The following DMD variants were observed in gnomAD, a reference collection of about 807,000 sequenced individuals.
The protein encoded by DMD is mutant dystrophin.
DMD carries 63 observed loss-of-function variants against 330.1 expected under a neutral mutation model. That is an observed-to-expected ratio of 0.19 (90% confidence interval 0.16 to 0.24). The LOEUF is 0.24. Among genes scored for constraint, DMD ranks in the 10% least tolerant of loss-of-function variants. DMD has a pLI of 1.00. For missense variants in DMD, 3,344 were observed against 2,684.1 expected (o/e 1.25, Z -5.43); for synonymous variants, 1,223 against 959.8 (o/e 1.27, Z -5.07).
chrX:32,874,265 C>A (rs2083215974), intron 2 of DMD, among the ~76,000 whole-genome samples: 1 of 112,086 alleles, frequency 8.9e-6, no homozygotes, highest in Non-Finnish European at 1.9e-5. Flanking sequence ...TTCATTTTTA[C>A]AGAGAGCCAA....
rs967597411 is a variant in DMD at position 33,107,315 on chromosome X, C to A, written c.32-87115G>T. Among the ~76,000 whole-genome samples, 213 of 73,480 alleles carry A rather than the reference C, an allele frequency of 2.9e-3. 9 individuals carry two copies. In the East Asian group the frequency reaches 0.074, roughly 25 times the overall value. The allele number at this position is 73,480 out of a possible 115,157, so 63.8% of individuals were successfully genotyped here. A position where few individuals can be genotyped will look rare whatever the true frequency, so the allele number is the denominator to read the frequency against. The stretch of plus-strand genomic sequence containing the variant: ...CAACAAGAGCGAAGCTCTGTCCCCC[C>A]CCCCCCCCCAACACACACAAAAAAA... On this transcript the variant is annotated intron_variant, in intron 1 of 78. Transcript: ENST00000357033.
At chrX:31,886,704 CAAATA>C (rs1035425260) in intron 47 of DMD, among the ~76,000 whole-genome samples, 2 of 111,374 alleles carry the variant, frequency 1.8e-5, no homozygotes, top group Admixed American at 1.9e-4. Context: ...TGATAGCAAG[CAAATA>C]AAATGAAATA....
At chrX:31,136,973 A>G (rs1207860328) in intron 76 of DMD, among the ~76,000 whole-genome samples, 1 of 111,830 alleles carries the variant, frequency 8.9e-6, no homozygotes, top group Non-Finnish European at 1.9e-5. Context: ...TCTTTTCTCC[A>G]TATTTTCATG....
At chrX:32,172,024 G>C (rs2096889488) in intron 44 of DMD, among the ~76,000 whole-genome samples, 1 of 111,727 alleles carries the variant, frequency 9.0e-6, no homozygotes. Context: ...CTCATATAAA[G>C]AAATATAGAT....
intron 16 of DMD, among the ~76,000 whole-genome samples, chrX:32,559,659 A>T (rs1198327794): frequency 8.9e-6 from 1 of 112,001 alleles, no homozygotes; most frequent in Non-Finnish European, 1.9e-5. Context: ...TTAAAGAATG[A>T]GAATTAACTC....
chrX:32,311,774 T>C (rs771658055), intron 41 of DMD, among the ~76,000 whole-genome samples: 2 of 111,979 alleles, frequency 1.8e-5, no homozygotes, highest in African/African-American at 3.2e-5. Context: ...ATAAGCATTT[T>C]ACACATTTAA....
chrX:32,736,302 T>G (rs920139983), intron 7 of DMD, among the ~76,000 whole-genome samples: 5 of 110,917 alleles, frequency 4.5e-5, no homozygotes, highest in Admixed American at 9.5e-5. Flanking sequence ...ATAGGAACAC[T>G]TTTTCACTGT....
At chrX:32,667,148 C>A (rs779785749) in intron 9 of DMD, among the ~76,000 whole-genome samples, 1 of 111,432 alleles carries the variant, frequency 9.0e-6, no homozygotes, top group Non-Finnish European at 1.9e-5. Flanking sequence ...ATACATTACA[C>A]TAAGAATTTA....
At chrX:31,669,851 A>G (rs190374715) in intron 53 of DMD, among the ~76,000 whole-genome samples, 1 of 110,121 alleles carries the variant, frequency 9.1e-6, no homozygotes, top group Admixed American at 9.7e-5. Flanking sequence ...GAAAAAAAAA[A>G]AAAAGCCAGT....
chrX:32,825,472 T>G (rs1181744397), intron 4 of DMD, among the ~76,000 whole-genome samples: 1 of 111,463 alleles, frequency 9.0e-6, no homozygotes, highest in Non-Finnish European at 1.9e-5. Context: ...CAACAGAAGG[T>G]CACATAATAA....
At chrX:33,295,812 C>G (rs888232142) in intron 1 of DMD, among the ~76,000 whole-genome samples, 2 of 110,916 alleles carry the variant, frequency 1.8e-5, no homozygotes, top group African/African-American at 6.5e-5. Context: ...TGACTACTCC[C>G]TATCAGTTTC....
intron 9 of DMD, among the ~76,000 whole-genome samples, chrX:32,669,272 A>T (rs906178113): frequency 9.0e-6 from 1 of 111,663 alleles, no homozygotes; most frequent in East Asian, 2.8e-4. Flanking sequence ...GCACACAAGT[A>T]TACTTCTAAA....
intron 7 of DMD, among the ~76,000 whole-genome samples, chrX:32,773,649 G>A (rs1030273196): frequency 1.8e-5 from 2 of 109,245 alleles, no homozygotes; most frequent in Non-Finnish European, 3.8e-5. Context: ...TCCCACATAT[G>A]AGTGAGAACT....
At chrX:31,457,051 G>A (rs1285398257) in intron 59 of DMD, among the ~76,000 whole-genome samples, 1 of 109,221 alleles carries the variant, frequency 9.2e-6, no homozygotes. Context: ...CTGATGGAGG[G>A]GAAGAGAGAC....
At chrX:32,006,888 TA>T (rs747952881) in intron 44 of DMD, among the ~76,000 whole-genome samples, 64 of 108,514 alleles carry the variant, frequency 5.9e-4, no homozygotes, top group Admixed American at 3.1e-3. Flanking sequence ...TATGCAGCCA[TA>T]AAAAAATGAT....
At position 32,222,714 on chromosome X, in the gene DMD, C is replaced by T. The variant is rs144621898; in HGVS notation, c.6291-5651G>A. 5.4e-3 allele frequency among the ~76,000 whole-genome samples: 600 copies of T among 111,479 alleles called. 4 individuals carry two copies. The highest frequency in any genetic ancestry group is 0.019 in the African/African-American group (575 of 30,679). ...TAAAATGACCAACATAGAATCTGAG[C>T]CATGCTAGTGTCTCTCTGGTGGGGA... On this transcript the variant is annotated intron_variant, in intron 43 of 78. Coordinates refer to ENST00000357033, the MANE Select transcript of DMD (RefSeq NM_004006.3).
At chrX:32,158,392 G>C (rs1477656145) in intron 44 of DMD, among the ~76,000 whole-genome samples, 3 of 109,994 alleles carry the variant, frequency 2.7e-5, no homozygotes, top group Non-Finnish European at 5.7e-5. Context: ...AAAATGCATC[G>C]AAAGTAAAGA....
At chrX:32,307,390 G>A (rs1193433145) in intron 42 of DMD, among the ~76,000 whole-genome samples, 3 of 111,331 alleles carry the variant, frequency 2.7e-5, no homozygotes, top group Non-Finnish European at 3.8e-5. Flanking sequence ...GAGGTTTGCT[G>A]GGGAACACGG....
intron 4 of DMD, among the ~76,000 whole-genome samples, chrX:32,838,206 A>G (rs1028135916): frequency 1.2e-4 from 13 of 111,015 alleles, no homozygotes; most frequent in African/African-American, 4.3e-4. Flanking sequence ...TGACACTCTA[A>G]GTTTGTTAGT....
Sources: allele counts gnomAD v4.1 joint callset (sites outside exome capture counted in the v4.1 genomes callset), GRCh38; gene constraint gnomAD v4.1.1; transcripts MANE v1.5; gene names NCBI Gene and HGNC (gene_info 2026-07-23, HGNC 2026-07-21).